The following BMP2K variants were observed in gnomAD, a reference collection of about 807,000 sequenced individuals.
BMP2K encodes BMP2 inducible kinase.
Under a neutral mutation model 116.0 loss-of-function variants are expected in BMP2K, and 74 were observed. The ratio of observed to expected loss-of-function variants is 0.64; its 90% CI spans 0.53 to 0.77. BMP2K has a LOEUF of 0.77. Ranked by LOEUF, BMP2K falls within the 30% of genes least tolerant of loss-of-function variation. BMP2K has a pLI of 0.00. For synonymous variants in BMP2K, 486 were observed against 502.5 expected, an observed-to-expected ratio of 0.97 and a Z score of 0.44; for missense variants, 1,365 against 1,403.6, an observed-to-expected ratio of 0.97 and a Z score of 0.44.
At chr4:78,909,140 CCT>C (rs1046549999) in intron 15 of BMP2K, among the ~76,000 whole-genome samples, 1 of 146,700 alleles carries the variant, frequency 6.8e-6, no homozygotes, top group Non-Finnish European at 1.5e-5. Flanking sequence ...CTCACTGCAA[CCT>C]CTGTCTTCCA....
At position 78,809,519 on chromosome 4, in the gene BMP2K, A is replaced by G. The variant is rs566388989; in HGVS notation, c.179-16518A>G. Among the ~76,000 whole-genome samples the G allele has an allele frequency of 5.3e-4, 81 of 152,136 alleles. 3 individuals are homozygous for G. In the South Asian group the frequency reaches 0.016, roughly 30 times the overall value. On this transcript the variant is annotated intron_variant, in intron 1 of 15. Transcript: ENST00000502613. ...CTGCCTCCTGAGTAGCTGGGACCAC[A>G]GACATGCACCACCACACCTGGCTAA...
chr4:78,799,038 A>G (rs928112464), intron 1 of BMP2K, among the ~76,000 whole-genome samples: 3 of 152,182 alleles, frequency 2.0e-5, no homozygotes, highest in African/African-American at 7.2e-5. Flanking sequence ...AGAACTTTCT[A>G]CTCCACAGAC....
intron 2 of BMP2K, among the ~76,000 whole-genome samples, chr4:78,829,792 C>CTT (rs58007596): frequency 0.014 from 868 of 63,150 alleles, 10 homozygotes; most frequent in South Asian, 0.027. Context: ...TTTCTTTTCT[C>CTT]TTCTCTTCTC....
At chr4:78,845,868 T>A (rs1190608040) in intron 5 of BMP2K, among the ~76,000 whole-genome samples, 1 of 151,682 alleles carries the variant, frequency 6.6e-6, no homozygotes, top group Non-Finnish European at 1.5e-5. Context: ...TCTGGCCCAT[T>A]TGTATAATAC....
At chr4:78,832,759 T>C (rs543078635) in intron 2 of BMP2K, among the ~76,000 whole-genome samples, 1 of 152,222 alleles carries the variant, frequency 6.6e-6, no homozygotes, top group South Asian at 2.1e-4. Context: ...ATTAGTTCTT[T>C]AGAATGGTGG....
chr4:78,846,291 A>G (rs1380340527), intron 5 of BMP2K, among the ~76,000 whole-genome samples: 2 of 151,598 alleles, frequency 1.3e-5, no homozygotes, highest in African/African-American at 4.8e-5. Flanking sequence ...GGGTGGGGGT[A>G]TAGTGAATAA....
chr4:78,840,845 A>C (rs1048446746), intron 3 of BMP2K, among the ~76,000 whole-genome samples: 3 of 152,170 alleles, frequency 2.0e-5, no homozygotes, highest in Non-Finnish European at 2.9e-5. Context: ...TTTAACATTA[A>C]AAGTTTGGAA....
intron 1 of BMP2K, among the ~76,000 whole-genome samples, chr4:78,796,599 C>G (rs983481749): frequency 3.9e-5 from 6 of 152,072 alleles, no homozygotes; most frequent in Non-Finnish European, 7.4e-5. Context: ...TATTTTTGTA[C>G]TTAATAGTTA....
chr4:78,800,664 ATAGTT>A (rs775138033), intron 1 of BMP2K, among the ~76,000 whole-genome samples: 2 of 152,210 alleles, frequency 1.3e-5, no homozygotes, highest in Non-Finnish European at 2.9e-5. Flanking sequence ...TTAAATTGGA[ATAGTT>A]TAAACTACAG....
intron 15 of BMP2K, among the ~76,000 whole-genome samples, chr4:78,905,182 A>C (rs1271130955): frequency 4.6e-5 from 7 of 151,874 alleles, no homozygotes; most frequent in Non-Finnish European, 1.0e-4. Flanking sequence ...TTGTTTACAG[A>C]TATTGGTTGA....
At chr4:78,777,737 T>C (rs550326595) in intron 1 of BMP2K, among the ~76,000 whole-genome samples, 1 of 152,366 alleles carries the variant, frequency 6.6e-6, no homozygotes, top group Non-Finnish European at 1.5e-5. Context: ...TAGACGTTGA[T>C]GTGGTTTGAA....
At chr4:78,806,290 C>T (rs911578796) in intron 1 of BMP2K, among the ~76,000 whole-genome samples, 1 of 152,066 alleles carries the variant, frequency 6.6e-6, no homozygotes, top group African/African-American at 2.4e-5. Flanking sequence ...TTCCTCCAGC[C>T]TCAGCCTTCT....
chr4:78,808,523 C>T (rs904532231), intron 1 of BMP2K, among the ~76,000 whole-genome samples: 4 of 152,170 alleles, frequency 2.6e-5, no homozygotes, highest in Non-Finnish European at 4.4e-5. Context: ...GCCTCAGCCT[C>T]CCAAAGTGCT....
chr4:78,864,628 T>G (rs959289538), intron 9 of BMP2K, among the ~76,000 whole-genome samples: 4 of 151,976 alleles, frequency 2.6e-5, no homozygotes, highest in African/African-American at 9.7e-5. Context: ...ACACAGATAT[T>G]GGGAAATAAC....
At chr4:78,900,018 CTG>C (rs1733911473) in intron 15 of BMP2K, among the ~76,000 whole-genome samples, 2 of 152,160 alleles carry the variant, frequency 1.3e-5, no homozygotes, top group South Asian at 4.1e-4. Context: ...CGGGTTTGAA[CTG>C]TGTGGATTCC....
chr4:78,887,001 T>C, intron 14 of BMP2K, 173 bp from the exon 15 acceptor site: 1 of 517,178 alleles, frequency 1.9e-6, no homozygotes, highest in South Asian at 3.0e-5. Flanking sequence ...AACAAATATG[T>C]ATTAAATTCA....
At chr4:78,904,679 T>G (rs1379170620) in intron 15 of BMP2K, among the ~76,000 whole-genome samples, 7 of 151,932 alleles carry the variant, frequency 4.6e-5, no homozygotes, top group Non-Finnish European at 8.8e-5. Flanking sequence ...ATAGTAGAAT[T>G]CAGCAGAAGT....
chr4:78,908,045 A>C (rs983583057), intron 15 of BMP2K, among the ~76,000 whole-genome samples: 1 of 152,216 alleles, frequency 6.6e-6, no homozygotes, highest in Non-Finnish European at 1.5e-5. Flanking sequence ...TTTGTTTTTA[A>C]TATCATAAAT....
At chr4:78,846,939 A>C (rs1035134241) in intron 5 of BMP2K, among the ~76,000 whole-genome samples, 1 of 151,572 alleles carries the variant, frequency 6.6e-6, no homozygotes, top group Non-Finnish European at 1.5e-5. Context: ...TTTTTATAAT[A>C]AAGACAATTA....
Sources: gnomAD v4.1 joint callset for allele counts (sites outside exome capture counted in the v4.1 genomes callset) on GRCh38, gnomAD v4.1.1 for gene constraint, MANE v1.5 for transcripts, NCBI Gene and HGNC (gene_info 2026-07-23, HGNC 2026-07-21) for gene names.